DOCK2: variants seen among roughly 807,000 people sequenced by gnomAD.
DOCK2 encodes the protein dedicator of cytokinesis protein 2.
A neutral mutation model predicts 248.9 loss-of-function variants in DOCK2; 87 were observed. The observed-to-expected ratio is 0.35, with a 90% CI of 0.29 to 0.42. The LOEUF (loss-of-function observed/expected upper bound fraction) is 0.42. Ranked by LOEUF, DOCK2 falls within the 10% of genes least tolerant of loss-of-function variation. DOCK2 has a pLI of 1.00. For synonymous variants in DOCK2, 805 were observed against 821.6 expected (o/e 0.98, Z 0.35); for missense variants, 1,747 against 2,300.2 (o/e 0.76, Z 4.92).
chr5:169,830,305 G>T (rs1214443225), intron 26 of DOCK2, among the ~76,000 whole-genome samples: 1 of 152,160 alleles, frequency 6.6e-6, no homozygotes, highest in Non-Finnish European at 1.5e-5. Flanking sequence ...TATATTAAGT[G>T]CTCAATAAAT....
At chr5:169,753,318 G>A (rs548457363) in intron 23 of DOCK2, among the ~76,000 whole-genome samples, 4 of 152,098 alleles carry the variant, frequency 2.6e-5, no homozygotes, top group Non-Finnish European at 5.9e-5. Context: ...TAAGCCCTGC[G>A]TGCATCAGCT....
intron 23 of DOCK2, among the ~76,000 whole-genome samples, chr5:169,750,100 G>A (rs1763819761): frequency 6.6e-6 from 1 of 152,222 alleles, no homozygotes; most frequent in Admixed American, 6.5e-5. Flanking sequence ...GAAATGATGA[G>A]CCAATAGATA....
At chr5:170,023,349 T>A (rs1755795613) in intron 33 of DOCK2, among the ~76,000 whole-genome samples, 1 of 152,236 alleles carries the variant, frequency 6.6e-6, no homozygotes, top group African/African-American at 2.4e-5. Flanking sequence ...TGAGACTGCA[T>A]CTTGGCGTGG....
intron 26 of DOCK2, among the ~76,000 whole-genome samples, chr5:169,828,794 C>T (rs1387660674): frequency 1.3e-5 from 2 of 152,182 alleles, no homozygotes; most frequent in East Asian, 1.9e-4. Context: ...GCAACAGTTA[C>T]GTGACATCTC....
intron 6 of DOCK2, among the ~76,000 whole-genome samples, chr5:169,678,325 G>A (rs1056827526): frequency 1.3e-5 from 2 of 151,644 alleles, no homozygotes; most frequent in African/African-American, 4.8e-5. Context: ...ACCCAGGCTA[G>A]AGTGCAGAGT....
chr5:169,935,005 G>C, intron 27 of DOCK2: 1 of 261,428 alleles, frequency 3.8e-6, no homozygotes, highest in Non-Finnish European at 7.6e-6. Flanking sequence ...CATACTGACT[G>C]CAGCCATCTA....
chr5:169,985,730 C>A, intron 28 of DOCK2, 98 bp from the exon 29 acceptor site: 1 of 881,894 alleles, frequency 1.1e-6, no homozygotes, highest in Non-Finnish European at 1.6e-6. Flanking sequence ...TTCCCTTTTC[C>A]TCCCTCCAAA....
At chr5:170,031,478 G>A (rs888787006) in intron 34 of DOCK2, among the ~76,000 whole-genome samples, 3 of 152,172 alleles carry the variant, frequency 2.0e-5, no homozygotes, top group African/African-American at 4.8e-5. Context: ...CACTGCGTGA[G>A]GAATTACCTA....
chr5:169,942,491 G>A (rs922337684), intron 27 of DOCK2, among the ~76,000 whole-genome samples: 1 of 152,190 alleles, frequency 6.6e-6, no homozygotes, highest in Non-Finnish European at 1.5e-5. Context: ...GAGGTATTGG[G>A]AAATTATCAT....
chr5:169,822,820 C>T (rs554905189), intron 26 of DOCK2, among the ~76,000 whole-genome samples: 6 of 151,692 alleles, frequency 4.0e-5, no homozygotes, highest in East Asian at 3.9e-4. Flanking sequence ...AAAAAATCAA[C>T]GAATCCAGGA....
chr5:169,886,300 T>A (rs556347400), intron 27 of DOCK2, among the ~76,000 whole-genome samples: 1 of 152,302 alleles, frequency 6.6e-6, no homozygotes, highest in East Asian at 1.9e-4. Context: ...GTCACATACC[T>A]CTCTGAGGAG....
intron 3 of DOCK2, among the ~76,000 whole-genome samples, chr5:169,670,224 A>G (rs905263093): frequency 1.3e-5 from 2 of 152,176 alleles, no homozygotes; most frequent in Non-Finnish European, 1.5e-5. Flanking sequence ...TTCAAACGAT[A>G]CTGTCTTATA....
At chr5:169,645,759 T>C (rs1757424035) in intron 1 of DOCK2, among the ~76,000 whole-genome samples, 1 of 152,144 alleles carries the variant, frequency 6.6e-6, no homozygotes, top group Non-Finnish European at 1.5e-5. Flanking sequence ...TATTTATTTA[T>C]TTTTTTGAGA....
chr5:170,056,888 C>A, intron 43 of DOCK2, 120 bp downstream of exon 43: 1 of 838,028 alleles, frequency 1.2e-6, no homozygotes, highest in Non-Finnish European at 1.9e-6. Context: ...TAAAGCCAAC[C>A]TCCATGGATA....
At chr5:169,682,013 C>G in intron 7 of DOCK2, 134 bp downstream of exon 7, 2 of 1,269,924 alleles carry the variant, frequency 1.6e-6, no homozygotes, top group Non-Finnish European at 2.1e-6. Context: ...TGATCAGCAA[C>G]CACATGTGTT....
intron 32 of DOCK2, among the ~76,000 whole-genome samples, chr5:170,016,935 A>G (rs1433357601): frequency 1.3e-5 from 2 of 152,208 alleles, no homozygotes; most frequent in East Asian, 1.9e-4. Flanking sequence ...GGGCCAAAGC[A>G]AAGACTCTGA....
chr5:170,025,182 T>C (rs1755860355), intron 33 of DOCK2, among the ~76,000 whole-genome samples: 1 of 152,270 alleles, frequency 6.6e-6, no homozygotes, highest in South Asian at 2.1e-4. Flanking sequence ...CTGTGCCCTA[T>C]AGCTACTCCA....
intron 44 of DOCK2, among the ~76,000 whole-genome samples, chr5:170,062,042 GC>G (rs1469944381): frequency 6.6e-6 from 1 of 152,056 alleles, no homozygotes; most frequent in Non-Finnish European, 1.5e-5. Flanking sequence ...GTGTGGGTGT[GC>G]CCAGGGTGTG....
In DOCK2 at chr5:170,069,209, A is replaced by G. The variant is rs1223337542; in HGVS notation, c.4717A>G (p.Ile1573Val). ...CAAGCTGACCCACCTCAAGGACCTG[A>G]TTGCATGGCAGGTGAGGCAGCGCTG... ...QDKLTHLKDL[I>V]AWQIPFLGAG... Residue 1573 changes from isoleucine (I) to valine (V), a missense_variant, in exon 46 of 52, where the codon ATT becomes GTT. By Grantham distance (29) the Ile-to-Val change is conservative. This residue lies in a region of DOCK2 where 513 missense variants were observed against 586.1 expected (regional missense o/e 0.88). Transcript: ENST00000520908. 1.9e-6 allele frequency: 3 copies of G among 1,613,954 alleles called. No homozygotes were observed. The highest frequency in any genetic ancestry group is 2.5e-6 in the Non-Finnish European group (3 of 1,179,924).
Sources: gnomAD v4.1 joint callset for allele counts (sites outside exome capture counted in the v4.1 genomes callset) on GRCh38, gnomAD v4.1.1 for gene constraint, gnomAD v4.1.1 regional missense constraint, MANE v1.5 for transcripts, NCBI Gene and HGNC (gene_info 2026-07-23, HGNC 2026-07-21) for gene names.